Variants in PDE4D observed in about 807,000 individuals in gnomAD.
PDE4D encodes 3',5'-cyclic-AMP phosphodiesterase 4D.
Under a neutral mutation model 87.4 loss-of-function variants are expected in PDE4D, and 24 were observed. The observed-to-expected ratio is 0.27, with a 90% confidence interval of 0.20 to 0.39. The LOEUF (loss-of-function observed/expected upper bound fraction) is 0.39. Among genes scored for constraint, PDE4D ranks in the 10% least tolerant of loss-of-function variants. PDE4D has a pLI of 1.00. For synonymous variants in PDE4D, 384 were observed against 383.2 expected (o/e 1.00, Z -0.02); for missense variants, 714 against 1,041.0 (o/e 0.69, Z 4.32).
intron 2 of PDE4D, among the ~76,000 whole-genome samples, chr5:60,069,785 T>C (rs780414326): frequency 1.3e-5 from 2 of 152,196 alleles, no homozygotes; most frequent in Non-Finnish European, 2.9e-5. Flanking sequence ...TATGGATATT[T>C]TAACAATGTT....
intron 1 of PDE4D, among the ~76,000 whole-genome samples, chr5:59,340,921 C>T (rs10472106): frequency 0.11 from 16,765 of 151,964 alleles, 1,120 homozygotes; most frequent in East Asian, 0.32. Context: ...TTTCTTTATC[C>T]GTTAATTGGC....
chr5:60,486,461 G>T (rs1197624955), intron 1 of PDE4D, among the ~76,000 whole-genome samples: 1 of 152,074 alleles, frequency 6.6e-6, no homozygotes, highest in Non-Finnish European at 1.5e-5. Context: ...TACAGAAAAG[G>T]AGTCTACGTT....
intron 1 of PDE4D, among the ~76,000 whole-genome samples, chr5:59,392,587 T>C (rs1788469007): frequency 6.6e-6 from 1 of 151,848 alleles, no homozygotes; most frequent in South Asian, 2.1e-4. Flanking sequence ...GAATCAACTT[T>C]TTAAAAGTCT....
At chr5:60,515,835 A>C (rs1422086496) in intron 1 of PDE4D, among the ~76,000 whole-genome samples, 1 of 152,176 alleles carries the variant, frequency 6.6e-6, no homozygotes, top group East Asian at 1.9e-4. Flanking sequence ...ACAAATCATG[A>C]AAGTACATTG....
chr5:60,304,912 C>A, intron 1 of PDE4D, among the ~76,000 whole-genome samples: 1 of 151,774 alleles, frequency 6.6e-6, no homozygotes, highest in Non-Finnish European at 1.5e-5. Flanking sequence ...GTTTTCAACA[C>A]CATTGTAATA....
At chr5:59,893,120 G>C in intron 1 of PDE4D, 48 bp downstream of exon 1, 2 of 1,500,216 alleles carry the variant, frequency 1.3e-6, no homozygotes, top group South Asian at 2.5e-5. Context: ...TTGAGAAAAG[G>C]GGAGGTGACC....
At chr5:59,280,190 T>A (rs1183134545) in intron 1 of PDE4D, among the ~76,000 whole-genome samples, 1 of 152,050 alleles carries the variant, frequency 6.6e-6, no homozygotes, top group Non-Finnish European at 1.5e-5. Context: ...GTAATGGTAG[T>A]TTCCTGTTAC....
intron 1 of PDE4D, among the ~76,000 whole-genome samples, chr5:60,192,700 C>T (rs1294423613): frequency 1.3e-5 from 2 of 152,056 alleles, no homozygotes; most frequent in Non-Finnish European, 2.9e-5. Context: ...AAGTTATGCA[C>T]AGAGAAAAGA....
chr5:60,152,718 G>A (rs527737121), intron 2 of PDE4D, among the ~76,000 whole-genome samples: 13 of 151,334 alleles, frequency 8.6e-5, no homozygotes, highest in South Asian at 8.3e-4. Context: ...TTTCTTTGTT[G>A]GGAGGTTTTT....
intron 5 of PDE4D, among the ~76,000 whole-genome samples, chr5:59,071,476 C>T (rs1764772212): frequency 6.7e-6 from 1 of 149,196 alleles, no homozygotes; most frequent in African/African-American, 2.4e-5. Context: ...TTCAACCCTT[C>T]TATTGAGTTT....
intron 1 of PDE4D, among the ~76,000 whole-genome samples, chr5:59,539,585 CTT>C (rs1815927033): frequency 6.6e-6 from 1 of 151,966 alleles, no homozygotes; most frequent in Non-Finnish European, 1.5e-5. Context: ...AGCCAATTTT[CTT>C]TTGTGTTCCT....
intron 1 of PDE4D, among the ~76,000 whole-genome samples, chr5:59,709,159 A>G (rs1303370197): frequency 6.6e-6 from 1 of 152,168 alleles, no homozygotes; most frequent in African/African-American, 2.4e-5. Context: ...AGACTGAACC[A>G]GGATCAGAGC....
intron 1 of PDE4D, among the ~76,000 whole-genome samples, chr5:59,474,198 G>C (rs1261204155): frequency 6.6e-6 from 1 of 152,164 alleles, no homozygotes; most frequent in East Asian, 1.9e-4. Context: ...TTACATTCCT[G>C]CTAGTATTTT....
intron 1 of PDE4D, among the ~76,000 whole-genome samples, chr5:60,506,502 G>A (rs1391238256): frequency 1.3e-5 from 2 of 152,048 alleles, no homozygotes; most frequent in Admixed American, 6.6e-5. Flanking sequence ...AGGGAACAGT[G>A]GTAAATATTT....
In PDE4D at chr5:59,959,514, C is replaced by T. The variant is rs577595218; in HGVS notation, c.272+28974G>A. ...AATGATACTGGTACAAAAATAGACA[C>T]ATAGACCAATGAAACAGAATAGAGA... On this transcript the variant is annotated intron_variant, in intron 3 of 16. Transcript: ENST00000502484. Among the ~76,000 whole-genome samples, 4 of 152,204 alleles carry T rather than the reference C, an allele frequency of 2.6e-5. No individual in the cohort carries two copies. In the East Asian group the frequency reaches 7.7e-4, roughly 29 times the overall value.
intron 1 of PDE4D, among the ~76,000 whole-genome samples, chr5:60,197,095 A>AGAT (rs1158647616): frequency 1.3e-5 from 2 of 148,868 alleles, no homozygotes; most frequent in Non-Finnish European, 3.0e-5. Context: ...ATAGATAGAT[A>AGAT]GATAGATAGA....
intron 1 of PDE4D, among the ~76,000 whole-genome samples, chr5:59,242,569 G>A (rs1474591354): frequency 2.0e-5 from 3 of 152,144 alleles, no homozygotes; most frequent in Non-Finnish European, 4.4e-5. Flanking sequence ...TAATCCACCA[G>A]CAATGCTAAT....
chr5:59,067,027 TATTTAG>T (rs1580620398), intron 5 of PDE4D, among the ~76,000 whole-genome samples: 2 of 140,040 alleles, frequency 1.4e-5, no homozygotes. Context: ...TTTATTTATT[TATTTAG>T]AGAGAGAGTT....
At chr5:59,848,889 A>G (rs1376002252) in intron 1 of PDE4D, among the ~76,000 whole-genome samples, 7 of 151,938 alleles carry the variant, frequency 4.6e-5, no homozygotes, top group African/African-American at 1.7e-4. Context: ...AAATGGCAGA[A>G]CCTATTTCGT....
Sources: allele counts gnomAD v4.1 joint callset (sites outside exome capture counted in the v4.1 genomes callset), GRCh38; gene constraint gnomAD v4.1.1; transcripts MANE v1.5; gene names NCBI Gene and HGNC (gene_info 2026-07-23, HGNC 2026-07-21).